The following ADAM29 variants were observed in gnomAD, a reference collection of about 807,000 sequenced individuals.
The protein encoded by ADAM29 is disintegrin and metalloproteinase domain-containing protein 29.
For synonymous variants in ADAM29, 367 were observed against 342.3 expected (o/e 1.07, Z -0.80); for missense variants, 969 against 1,001.8 (o/e 0.97, Z 0.44).
At chr4:174,974,614 A>G (rs970503598) in intron 4 of ADAM29, among the ~76,000 whole-genome samples, 5 of 152,240 alleles carry the variant, frequency 3.3e-5, no homozygotes, top group Non-Finnish European at 5.9e-5. Context: ...AAAACATAAT[A>G]AAGTGTAAAC....
rs551590663 is a variant in ADAM29 at position 174,919,542 on chromosome 4, G to A, written c.-557+1071G>A. On this transcript the variant is annotated intron_variant, in intron 1 of 4. Coordinates refer to ENST00000359240, the MANE Select transcript of ADAM29 (RefSeq NM_014269.4). Reference sequence around the variant, plus strand: ...AGCCACGTTGCAGTTCTCTTCTGGAGCTCAAAGTTCTCTTCCAAGCTCATT... The same window carrying A: ...AGCCACGTTGCAGTTCTCTTCTGGAACTCAAAGTTCTCTTCCAAGCTCATT... 4.7e-4 allele frequency among the ~76,000 whole-genome samples: 72 copies of A among 152,238 alleles called. 1 individual carries two copies. In the South Asian group the frequency reaches 0.01, roughly 21 times the overall value.
At chr4:174,939,387 G>A (rs1744395140) in intron 4 of ADAM29, among the ~76,000 whole-genome samples, 5 of 152,144 alleles carry the variant, frequency 3.3e-5, no homozygotes, top group Admixed American at 6.6e-5. Context: ...AATAGTCAAA[G>A]TTTTATTATT....
At chr4:174,925,722 C>G (rs1205068988) in intron 2 of ADAM29, among the ~76,000 whole-genome samples, 1 of 152,160 alleles carries the variant, frequency 6.6e-6, no homozygotes, top group African/African-American at 2.4e-5. Flanking sequence ...GAAGTGGCTA[C>G]CCACGTAGTT....
intron 4 of ADAM29, among the ~76,000 whole-genome samples, chr4:174,946,334 T>A (rs1372524441): frequency 6.6e-6 from 1 of 152,210 alleles, no homozygotes; most frequent in African/African-American, 2.4e-5. Flanking sequence ...TATAGATTTT[T>A]GTACTCTGTT....
At chr4:174,939,238 A>AG (rs1744382138) in intron 4 of ADAM29, among the ~76,000 whole-genome samples, 2 of 152,168 alleles carry the variant, frequency 1.3e-5, no homozygotes, top group Non-Finnish European at 2.9e-5. Flanking sequence ...TTTTTTGATC[A>AG]TAGTACTCAT....
intron 4 of ADAM29, among the ~76,000 whole-genome samples, chr4:174,949,101 G>A (rs972359519): frequency 1.7e-4 from 26 of 152,202 alleles, no homozygotes; most frequent in Admixed American, 5.9e-4. Context: ...GAGCCCCCAG[G>A]AACTGCCCTG....
At chr4:174,936,224 A>G (rs551007728) in intron 3 of ADAM29, among the ~76,000 whole-genome samples, 58 of 152,176 alleles carry the variant, frequency 3.8e-4, no homozygotes, top group Middle Eastern at 3.4e-3. Flanking sequence ...TATAATATCA[A>G]TGTAATTTCG....
At chr4:174,936,297 T>C (rs73001894) in intron 3 of ADAM29, among the ~76,000 whole-genome samples, 2,997 of 152,132 alleles carry the variant, frequency 0.02, 90 homozygotes, top group African/African-American at 0.068. Flanking sequence ...CTTTACCATG[T>C]AGAACAAAGA....
At position 174,975,408 on chromosome 4, in the gene ADAM29, C is replaced by T. The variant is rs538735386; in HGVS notation, c.-118C>T. Reference sequence around the variant, plus strand: ...GATCTTTAATGATTAGCACTACACACTGACCAACTCAGAAGAAGGAGCCAC... The same window carrying T: ...GATCTTTAATGATTAGCACTACACATTGACCAACTCAGAAGAAGGAGCCAC... On this transcript the variant is annotated 5_prime_UTR_variant, in exon 5 of 5. Transcript: ENST00000359240. 6.2e-5 allele frequency: 62 copies of T among 1,006,780 alleles called. No homozygotes were observed. Among genetic ancestry groups the T allele is most frequent in the Middle Eastern group, 3.4e-4 (1 of 2,942 alleles). The allele number at this position is 1,006,780 out of a possible 1,614,324, so 62.4% of individuals were successfully genotyped here. A position where few individuals can be genotyped will look rare whatever the true frequency, so the allele number is the denominator to read the frequency against.
intron 2 of ADAM29, among the ~76,000 whole-genome samples, chr4:174,925,804 A>T (rs531946098): frequency 4.6e-4 from 70 of 152,352 alleles, no homozygotes; most frequent in Non-Finnish European, 7.6e-4. Context: ...ATGAAAATTG[A>T]TGATAATAAT....
chr4:174,973,619 A>C (rs1288021999), intron 4 of ADAM29, among the ~76,000 whole-genome samples: 1 of 152,176 alleles, frequency 6.6e-6, no homozygotes, highest in Non-Finnish European at 1.5e-5. Context: ...TTCTATGTTT[A>C]GAGTATTTAT....
chr4:174,953,229 T>G (rs11133069), intron 4 of ADAM29, among the ~76,000 whole-genome samples: 63,576 of 151,676 alleles, frequency 0.42, 13,851 homozygotes, highest in African/African-American at 0.54. Context: ...GAGCTTGCAG[T>G]GAGCTGAGAT....
intron 2 of ADAM29, among the ~76,000 whole-genome samples, chr4:174,930,371 C>T (rs562609170): frequency 1.4e-4 from 21 of 152,272 alleles, no homozygotes; most frequent in African/African-American, 5.1e-4. Flanking sequence ...TATGTCTCTT[C>T]ATTCTTGTCT....
intron 3 of ADAM29, among the ~76,000 whole-genome samples, chr4:174,932,092 C>A (rs1743914878): frequency 6.6e-6 from 1 of 151,908 alleles, no homozygotes; most frequent in Non-Finnish European, 1.5e-5. Flanking sequence ...ATTTCGAGAC[C>A]AGCCTGATTA....
At chr4:174,937,196 C>T (rs1744251272) in intron 4 of ADAM29, among the ~76,000 whole-genome samples, 183 bp downstream of exon 4, 2 of 151,942 alleles carry the variant, frequency 1.3e-5, no homozygotes, top group South Asian at 4.1e-4. Context: ...CTTTCTTTCT[C>T]AATGAAAGAG....
At chr4:174,929,517 C>G (rs772871749) in intron 2 of ADAM29, among the ~76,000 whole-genome samples, 1 of 152,068 alleles carries the variant, frequency 6.6e-6, no homozygotes, top group Non-Finnish European at 1.5e-5. Flanking sequence ...AGAGTCCCTG[C>G]TGGTGCGCTT....
chr4:174,958,153 A>C (rs946583301), intron 4 of ADAM29, among the ~76,000 whole-genome samples: 2 of 151,794 alleles, frequency 1.3e-5, no homozygotes, highest in Non-Finnish European at 3.0e-5. Flanking sequence ...GTGTTCTATA[A>C]ACGTCAATTT....
intron 4 of ADAM29, among the ~76,000 whole-genome samples, chr4:174,969,986 G>A (rs915366188): frequency 1.3e-5 from 2 of 151,840 alleles, no homozygotes; most frequent in African/African-American, 4.8e-5. Flanking sequence ...TCTATATTCT[G>A]TATTAGAAGG....
At chr4:174,932,621 G>A (rs576574680) in intron 3 of ADAM29, among the ~76,000 whole-genome samples, 170 of 152,260 alleles carry the variant, frequency 1.1e-3, no homozygotes, top group South Asian at 2.3e-3. Context: ...AATTTTGGGG[G>A]ACACATACAT....
Sources: gnomAD v4.1 joint callset for allele counts (sites outside exome capture counted in the v4.1 genomes callset) on GRCh38, gnomAD v4.1.1 for gene constraint, MANE v1.5 for transcripts, NCBI Gene and HGNC (gene_info 2026-07-23, HGNC 2026-07-21) for gene names.